C16orf96: variants seen among roughly 807,000 people sequenced by gnomAD.
The protein encoded by C16orf96 is chromosome 16 open reading frame 96.
A neutral mutation model predicts 103.6 loss-of-function variants in C16orf96; 108 were observed. That is an observed-to-expected ratio of 1.04 (90% CI 0.89 to 1.22). The LOEUF is 1.22. Ranked by LOEUF, C16orf96 falls within the 50% of genes most tolerant of loss-of-function variation. The pLI, the probability that C16orf96 is intolerant of heterozygous loss-of-function variation, is 0.00. For missense variants in C16orf96, 1,586 were observed against 1,464.2 expected, an observed-to-expected ratio of 1.08 and a Z score of -1.36; for synonymous variants, 566 against 593.5, an observed-to-expected ratio of 0.95 and a Z score of 0.67.
chr16:4,564,292 A>G (rs1205667691), intron 1 of C16orf96, among the ~76,000 whole-genome samples: 1 of 152,120 alleles, frequency 6.6e-6, no homozygotes, highest in Non-Finnish European at 1.5e-5. Flanking sequence ...GTTCTTGGCC[A>G]TTGTCAGACT....
At chr16:4,595,000 G>C (rs1391489052) in intron 14 of C16orf96, among the ~76,000 whole-genome samples, 197 bp downstream of exon 14, 4 of 152,196 alleles carry the variant, frequency 2.6e-5, no homozygotes, top group African/African-American at 9.7e-5. Context: ...GACCGCGGGA[G>C]CGAGGATCTG....
chr16:4,575,484 T>TG lies in C16orf96; in HGVS notation c.1005dup (p.Pro336AlafsTer94). The TG allele has an allele frequency of 6.5e-7, 1 of 1,547,920 alleles. No homozygotes were observed. Among genetic ancestry groups the TG allele is most frequent in the Middle Eastern group, 1.7e-4 (1 of 5,990 alleles). ...GGGCCTGCACCTGGGACTGAACCTG[T>TG]GCCAGGACTGGAGCTGGGGCTGGAG... On this transcript the variant is annotated frameshift_variant, in exon 5 of 16. Transcript: ENST00000444310. LOFTEE classifies it high-confidence loss of function.
rs1412123821 is a variant in C16orf96 at position 4,600,430 on chromosome 16, G to A, written c.*113G>A. ...CTCCACATCGGAGGCTGAGGCCTATGTGGCCCCCCACCCCCACCCCCACCA... is the reference window on the plus strand; with the variant it reads ...CTCCACATCGGAGGCTGAGGCCTATATGGCCCCCCACCCCCACCCCCACCA... On this transcript the variant is annotated 3_prime_UTR_variant, in exon 16 of 16. Coordinates refer to ENST00000444310, the MANE Select transcript of C16orf96 (RefSeq NM_001145011.2). 4.2e-6 allele frequency: 3 copies of A among 709,936 alleles called. No homozygotes were observed. The Admixed American group carries it at 7.3e-5, about 17-fold the overall frequency. The allele number at this position is 709,936 out of a possible 1,614,324, so 44.0% of individuals were successfully genotyped here.
rs2059406209 is a variant in C16orf96, at chr16:4,568,639, T to TG, written c.421-2922_421-2921insG. Reference sequence around the variant, plus strand: ...TTTCTTTTCTTTTTAATTTTTTTTTTTTTTTTTGAGACAGAGTCTCACTCT... The same window carrying TG: ...TTTCTTTTCTTTTTAATTTTTTTTTTGTTTTTTTGAGACAGAGTCTCACTCT... On this transcript the variant is annotated intron_variant, in intron 1 of 15. Coordinates refer to ENST00000444310, the MANE Select transcript of C16orf96 (RefSeq NM_001145011.2). 4.7e-5 allele frequency among the ~76,000 whole-genome samples: 7 copies of TG among 147,606 alleles called. No homozygotes were observed. In the South Asian group the frequency reaches 8.6e-4, roughly 18 times the overall value.
rs1430375566 is a variant in C16orf96, at chr16:4,575,197, C to A, written c.717C>A (p.Asp239Glu). The A allele has an allele frequency of 9.0e-6, 14 of 1,546,976 alleles. No individual in the cohort carries two copies. Among genetic ancestry groups the A allele is most frequent in the Non-Finnish European group, 1.2e-5 (14 of 1,146,904 alleles). ...FTSEIGSSPL[D>E]LWQSVEQLPE... ...AGGAAATTGGTTCATCACCACTGGA[C>A]CTGTGGCAGTCTGTAGAGCAGCTCC... Residue 239 changes from aspartate (D) to glutamate (E), a missense_variant, in exon 5 of 16, where the codon GAC (aspartate) becomes GAA (glutamate). Physicochemically the swap from Asp to Glu is conservative, Grantham distance 45. Coordinates refer to ENST00000444310, the MANE Select transcript of C16orf96 (RefSeq NM_001145011.2).
intron 1 of C16orf96, among the ~76,000 whole-genome samples, chr16:4,570,424 A>G (rs574614721): frequency 1.3e-5 from 2 of 149,290 alleles, no homozygotes; most frequent in East Asian, 3.9e-4. Context: ...CTCTGAGTGG[A>G]AAAAAACTCA....
chr16:4,549,917 T>G, the C16orf96 span, among the ~76,000 whole-genome samples: 1 of 152,168 alleles, frequency 6.6e-6, no homozygotes, highest in Non-Finnish European at 1.5e-5. Flanking sequence ...GAGCAGATGT[T>G]GGCGCTGTGC....
rs552159461 is a variant in C16orf96, at chr16:4,591,899, C to T, written c.2711+115C>T. 72 of 849,786 alleles carry T rather than the reference C, an allele frequency of 8.5e-5. No homozygotes were observed. The East Asian group carries it at 1.7e-3, about 20-fold the overall frequency. The allele number at this position is 849,786 out of a possible 1,614,324, so 52.6% of individuals were successfully genotyped here. ...AGACCTTTGGATGAGGGGATGGGGG[C>T]TTGGCTGTGGCTGAAAGCACTGAGG... is the stretch of plus-strand genomic sequence containing the variant. On this transcript the variant is annotated intron_variant, in intron 10 of 15. Transcript: ENST00000444310.
At chr16:4,564,431 T>C (rs2059365954) in intron 1 of C16orf96, among the ~76,000 whole-genome samples, 3 of 152,168 alleles carry the variant, frequency 2.0e-5, no homozygotes, top group Admixed American at 1.3e-4. Flanking sequence ...TTTCTTTATT[T>C]CTAAACACCC....
intron 9 of C16orf96, among the ~76,000 whole-genome samples, chr16:4,589,440 G>A (rs556557764): frequency 2.6e-5 from 4 of 151,092 alleles, no homozygotes; most frequent in African/African-American, 9.7e-5. Context: ...AAAGCCAGGT[G>A]TGGTGGCACA....
intron 7 of C16orf96, among the ~76,000 whole-genome samples, chr16:4,581,141 C>CATATATATATATATAT (rs58065868): frequency 1.5e-4 from 7 of 46,752 alleles, no homozygotes; most frequent in South Asian, 1.2e-3. Flanking sequence ...TATATGTATA[C>CATATATATATATATAT]ATATATATAT....
chr16:4,553,882 G>C (rs1390145725), upstream of C16orf96, among the ~76,000 whole-genome samples: 1 of 152,132 alleles, frequency 6.6e-6, no homozygotes, highest in African/African-American at 2.4e-5. Context: ...GGCTCAGAGA[G>C]GTTAAGTCAC....
intron 14 of C16orf96, among the ~76,000 whole-genome samples, chr16:4,595,690 T>G (rs867780842): frequency 2.7e-5 from 4 of 150,604 alleles, no homozygotes; most frequent in South Asian, 2.1e-4. Flanking sequence ...ATTCTGGTTT[T>G]TTGTTGTTGT....
chr16:4,589,473 G>C (rs1596535914), intron 9 of C16orf96, among the ~76,000 whole-genome samples: 1 of 151,700 alleles, frequency 6.6e-6, no homozygotes, highest in African/African-American at 2.4e-5. Flanking sequence ...CAACTACTCA[G>C]GAGGCTGAGG....
At position 4,577,061 on chromosome 16, in the gene C16orf96, T is replaced by C. The variant is rs573395377; in HGVS notation, c.2155+426T>C. ...ACAAAATTTGCTGGGCGTGGTGGTGTATGCCTGTAATCCCAGCTACTCGGG... is the reference window on the plus strand; with the variant it reads ...ACAAAATTTGCTGGGCGTGGTGGTGCATGCCTGTAATCCCAGCTACTCGGG... On this transcript the variant is annotated intron_variant, in intron 5 of 15. Coordinates refer to ENST00000444310, the MANE Select transcript of C16orf96 (RefSeq NM_001145011.2). Among the ~76,000 whole-genome samples the C allele has an allele frequency of 2.6e-5, 4 of 151,882 alleles. No individual in the cohort carries two copies. In the East Asian group the frequency reaches 7.8e-4, roughly 30 times the overall value.
chr16:4,575,852 G>A lies in C16orf96; in HGVS notation c.1372G>A (p.Gly458Arg). The change falls in exon 5 of 16, where the codon GGG becomes AGG. Residue 458 changes from glycine (G) to arginine (R), a missense_variant. Coordinates refer to ENST00000444310, the MANE Select transcript of C16orf96 (RefSeq NM_001145011.2). Reference sequence around the variant, plus strand: ...CCAGCTCGCAGCTGTCCAAGTAAAGGGGGAGGAAAATGATGTCCCCAGCCT... The same window carrying A: ...CCAGCTCGCAGCTGTCCAAGTAAAGAGGGAGGAAAATGATGTCCCCAGCCT... ...ALQLAAVQVK[G>R]EENDVPSLRG... 6.4e-7 allele frequency: 1 copy of A among 1,551,470 alleles called. No individual in the cohort carries two copies. Among genetic ancestry groups the A allele is most frequent in the South Asian group, 1.2e-5 (1 of 84,068 alleles).
chr16:4,592,290 T>A lies in C16orf96; in HGVS notation c.2712-15T>A, dbSNP rs1897077128. On this transcript the variant is annotated splice_polypyrimidine_tract_variant and intron_variant, in intron 10 of 15. Transcript: ENST00000444310. ...GCCCAGCAGGGGCAGCGGCTGATGATCATGTGCCTTTCAGGAAGCTGTTCA... is the reference window on the plus strand; with the variant it reads ...GCCCAGCAGGGGCAGCGGCTGATGAACATGTGCCTTTCAGGAAGCTGTTCA... The A allele has an allele frequency of 6.4e-7, 1 of 1,551,532 alleles. No individual in the cohort carries two copies. Among genetic ancestry groups the A allele is most frequent in the Non-Finnish European group, 8.7e-7 (1 of 1,146,952 alleles).
intron 7 of C16orf96, among the ~76,000 whole-genome samples, chr16:4,583,143 C>A (rs1327974529): frequency 2.6e-5 from 4 of 152,120 alleles, no homozygotes; most frequent in Non-Finnish European, 4.4e-5. Context: ...GAGGCTGAGG[C>A]AGGAGAATCG....
intron 1 of C16orf96, among the ~76,000 whole-genome samples, chr16:4,571,158 C>A (rs927479320): frequency 2.0e-5 from 3 of 152,268 alleles, no homozygotes; most frequent in Admixed American, 1.3e-4. Context: ...TGCACTCCAG[C>A]CTGAGCCACA....
Sources: allele counts gnomAD v4.1 joint callset (sites outside exome capture counted in the v4.1 genomes callset), GRCh38; gene constraint gnomAD v4.1.1; transcripts MANE v1.5; gene names NCBI Gene and HGNC (gene_info 2026-07-23, HGNC 2026-07-21).